Variants in CSNK1G2 observed in about 807,000 individuals in gnomAD.
CSNK1G2 encodes casein kinase I isoform gamma-2.
CSNK1G2 carries 11 observed loss-of-function variants against 48.0 expected under a neutral mutation model. The ratio of observed to expected loss-of-function variants is 0.23; its 90% CI spans 0.14 to 0.38. The LOEUF (loss-of-function observed/expected upper bound fraction) is 0.38. Among genes scored for constraint, CSNK1G2 ranks in the 10% least tolerant of loss-of-function variants. CSNK1G2 has a pLI of 1.00. For synonymous variants in CSNK1G2, 337 were observed against 254.1 expected (o/e 1.33, Z -3.10); for missense variants, 446 against 595.5 (o/e 0.75, Z 2.61).
chr19:1,948,383 C>T (rs567698789), intron 1 of CSNK1G2, among the ~76,000 whole-genome samples: 14 of 152,242 alleles, frequency 9.2e-5, no homozygotes, highest in Admixed American at 2.0e-4. Context: ...ATTAGCCGGG[C>T]GCGGTGGCAG....
intron 1 of CSNK1G2, among the ~76,000 whole-genome samples, chr19:1,964,176 C>G (rs985680487): frequency 6.6e-6 from 1 of 151,874 alleles, no homozygotes; most frequent in Admixed American, 6.6e-5. Context: ...GCCTGTAGTT[C>G]CAGCTACTCT....
In CSNK1G2 at chr19:1,979,226, G is replaced by A. The variant is rs774985143; in HGVS notation, c.746G>A (p.Ser249Asn). ...ATGTTCATGTACTTCCTGCGCGGCA[G>A]CCTCCCCTGGCAGGGGCTCAAGGTG... ...GHMFMYFLRG[S>N]LPWQGLKADT... Residue 249 changes from serine (S) to asparagine (N), a missense_variant, in exon 7 of 12, where the codon AGC becomes AAC. Coordinates refer to ENST00000255641, the MANE Select transcript of CSNK1G2 (RefSeq NM_001319.7). The A allele has an allele frequency of 2.1e-5, 33 of 1,552,712 alleles. No individual in the cohort carries two copies. The Middle Eastern group carries it at 8.8e-4, about 41-fold the overall frequency.
At chr19:1,948,261 C>T (rs1450680015) in intron 1 of CSNK1G2, among the ~76,000 whole-genome samples, 1 of 152,186 alleles carries the variant, frequency 6.6e-6, no homozygotes. Context: ...TGGTGGCTCA[C>T]GCCTGTAATC....
At chr19:1,971,235 A>G (rs1448615041) in intron 2 of CSNK1G2, among the ~76,000 whole-genome samples, 1 of 152,108 alleles carries the variant, frequency 6.6e-6, no homozygotes. Flanking sequence ...CTGTGTTCCC[A>G]TTGGTTGCAC....
At chr19:1,964,315 AG>A (rs2015296306) in intron 1 of CSNK1G2, among the ~76,000 whole-genome samples, 2 of 145,896 alleles carry the variant, frequency 1.4e-5, no homozygotes, top group African/African-American at 5.6e-5. Flanking sequence ...AAAAAAAACC[AG>A]GTTCAAGGTG....
chr19:1,947,024 G>T (rs1313118651), intron 1 of CSNK1G2, among the ~76,000 whole-genome samples: 2 of 152,322 alleles, frequency 1.3e-5, no homozygotes, highest in East Asian at 1.9e-4. Flanking sequence ...TCATAGCTGG[G>T]ATTACAGGCG....
At chr19:1,949,062 A>C (rs1001113765) in intron 1 of CSNK1G2, among the ~76,000 whole-genome samples, 2 of 152,234 alleles carry the variant, frequency 1.3e-5, no homozygotes, top group Non-Finnish European at 1.5e-5. Flanking sequence ...GGAAGGAGCC[A>C]GGAGAGGCTG....
At chr19:1,956,025 C>A (rs1436990690) in intron 1 of CSNK1G2, among the ~76,000 whole-genome samples, 1 of 152,216 alleles carries the variant, frequency 6.6e-6, no homozygotes, top group Non-Finnish European at 1.5e-5. Flanking sequence ...CTGGCCTTCA[C>A]CCCAGCTCCC....
intron 2 of CSNK1G2, among the ~76,000 whole-genome samples, chr19:1,971,493 A>T (rs1412107879): frequency 6.6e-6 from 1 of 152,262 alleles, no homozygotes; most frequent in Non-Finnish European, 1.5e-5. Context: ...ACACACGTGC[A>T]GACACATGCA....
At chr19:1,975,810 C>A in intron 2 of CSNK1G2, 7 of 970,344 alleles carry the variant, frequency 7.2e-6, no homozygotes, top group Non-Finnish European at 8.6e-6. Flanking sequence ...CTGATGTGGG[C>A]GGATCACCTG....
intron 1 of CSNK1G2, chr19:1,952,932 CG>C (rs1568184386): frequency 2.2e-6 from 1 of 444,700 alleles, no homozygotes; most frequent in East Asian, 7.9e-5. Context: ...GGAGGGAAAC[CG>C]GGGCGGGATG....
rs532651156 is a variant in CSNK1G2, at chr19:1,967,300, G to T, written c.-265-2208G>T. On this transcript the variant is annotated intron_variant, in intron 1 of 11. Coordinates refer to ENST00000255641, the MANE Select transcript of CSNK1G2 (RefSeq NM_001319.7). Reference sequence around the variant, plus strand: ...TGGGAGTTCCTGTCCTAACATTTTCGGCGATGGCTGTGCACCCACGGCCCC... The same window carrying T: ...TGGGAGTTCCTGTCCTAACATTTTCTGCGATGGCTGTGCACCCACGGCCCC... Among the ~76,000 whole-genome samples, 42 of 152,224 alleles carry T rather than the reference G, an allele frequency of 2.8e-4. 2 individuals carry two copies. Among genetic ancestry groups the T allele is most frequent in the African/African-American group, 1.0e-3 (42 of 41,538 alleles).
chr19:1,952,933 GGGGC>G, intron 1 of CSNK1G2: 1 of 444,006 alleles, frequency 2.3e-6, no homozygotes, highest in Non-Finnish European at 4.4e-6. Flanking sequence ...GAGGGAAACC[GGGGC>G]GGGATGTCGC....
intron 1 of CSNK1G2, chr19:1,954,107 TTTCTC>T: frequency 2.2e-6 from 1 of 461,342 alleles, no homozygotes; most frequent in Non-Finnish European, 4.5e-6. Flanking sequence ...TTGTGGGGTG[TTTCTC>T]TTTTGCACCT....
chr19:1,978,336 T>C lies in CSNK1G2; in HGVS notation c.219T>C (p.Ala73=). ...ATCTCTATACAAATGAATACGTGGC[T>C]ATCAAATTGGTGAGTCGGCCCCTCC... is the stretch of plus-strand genomic sequence containing the variant. The part of the protein sequence containing the change: ...GKNLYTNEYV[A]IKLEPIKSRA... The change falls in exon 3 of 12, where the codon GCT becomes GCC. Residue 73 remains alanine, a synonymous_variant. Transcript: ENST00000255641. The surrounding 1 kb of genome is among the most constrained non-coding windows in gnomAD (Gnocchi z 7.3). 6.2e-7 allele frequency: 1 copy of C among 1,613,470 alleles called. No homozygotes were observed. Among genetic ancestry groups the C allele is most frequent in the Non-Finnish European group, 8.5e-7 (1 of 1,179,862 alleles).
At chr19:1,948,912 G>A (rs2014667372) in intron 1 of CSNK1G2, among the ~76,000 whole-genome samples, 1 of 152,216 alleles carries the variant, frequency 6.6e-6, no homozygotes, top group Non-Finnish European at 1.5e-5. Context: ...CAGAACATGT[G>A]GAGAAAAGCA....
chr19:1,975,982 C>T (rs1331488429), intron 2 of CSNK1G2: 4 of 1,034,072 alleles, frequency 3.9e-6, no homozygotes, highest in Non-Finnish European at 5.3e-6. Context: ...TTCCAGTGAG[C>T]CGTGATCGCG....
rs1568190632 is a variant in CSNK1G2, at chr19:1,959,906, C to CGTGGGT, written c.-265-9602_-265-9601insGTGGGT. On this transcript the variant is annotated intron_variant, in intron 1 of 11. Transcript: ENST00000255641. The stretch of plus-strand genomic sequence containing the variant: ...GCACCCGCCCCACCTTTAGTGCCAC[C>CGTGGGT]CTGGGTCCCCACATCCCTGGCTACA... Among the ~76,000 whole-genome samples the CGTGGGT allele has an allele frequency of 1.2e-3, 132 of 112,506 alleles. 3 individuals carry two copies. Among genetic ancestry groups the CGTGGGT allele is most frequent in the African/African-American group, 3.8e-3 (112 of 29,612 alleles). The allele number at this position is 112,506 out of a possible 152,430, so 73.8% of individuals were successfully genotyped here.
intron 1 of CSNK1G2, among the ~76,000 whole-genome samples, chr19:1,942,057 G>A (rs948425217): frequency 4.6e-5 from 7 of 152,122 alleles, no homozygotes; most frequent in Non-Finnish European, 7.4e-5. Flanking sequence ...GGAGAGCAGG[G>A]GGTGGTGGGG....
Sources: allele counts gnomAD v4.1 joint callset (sites outside exome capture counted in the v4.1 genomes callset), GRCh38; gene constraint gnomAD v4.1.1; non-coding constraint Gnocchi (gnomAD v3.1); transcripts MANE v1.5; gene names NCBI Gene and HGNC (gene_info 2026-07-23, HGNC 2026-07-21).